The following CSMD1 variants were observed in gnomAD, a reference collection of about 807,000 sequenced individuals.
CSMD1 encodes the protein CUB and Sushi multiple domains 1, also known as CUB and sushi domain-containing protein 1.
CSMD1 carries 213 observed loss-of-function variants against 417.5 expected under a neutral mutation model. The observed-to-expected ratio is 0.51, with a 90% CI of 0.46 to 0.57. The LOEUF (loss-of-function observed/expected upper bound fraction) is 0.57, where lower values mean the gene tolerates loss of function less well. Among genes scored for constraint, CSMD1 ranks in the 20% least tolerant of loss-of-function variants. The probability of loss-of-function intolerance (pLI) is 0.00; values close to 1 mark genes in which losing one functional copy is unlikely to be tolerated. For missense variants in CSMD1, 6,923 were observed against 4,529.7 expected (o/e 1.53, Z -15.17); for synonymous variants, 2,862 against 1,736.8 (o/e 1.65, Z -16.11).
At chr8:4,751,347 C>T (rs1241096848) in intron 1 of CSMD1, among the ~76,000 whole-genome samples, 3 of 151,600 alleles carry the variant, frequency 2.0e-5, no homozygotes, top group Non-Finnish European at 2.9e-5. Context: ...GCCGAGATAG[C>T]GCCACTGCAC....
At chr8:4,305,614 G>C (rs1045548609) in intron 3 of CSMD1, among the ~76,000 whole-genome samples, 13 of 152,134 alleles carry the variant, frequency 8.5e-5, no homozygotes, top group East Asian at 1.9e-4. Context: ...CAGAATCCAC[G>C]TAAGACCGTT....
chr8:4,286,839 T>C (rs1016843630), intron 3 of CSMD1, among the ~76,000 whole-genome samples: 2 of 152,212 alleles, frequency 1.3e-5, no homozygotes, highest in Non-Finnish European at 2.9e-5. Context: ...TGTTGCTGTT[T>C]GTTATTAGGA....
chr8:3,926,067 C>CACAAACACCATACACACACACAT (rs1809661088), intron 5 of CSMD1, among the ~76,000 whole-genome samples: 2 of 135,240 alleles, frequency 1.5e-5, no homozygotes, highest in Non-Finnish European at 3.1e-5. Flanking sequence ...CACACACACA[C>CACAAACACCATACACACACACAT]ACACACAAAC....
intron 1 of CSMD1, among the ~76,000 whole-genome samples, chr8:4,954,287 G>C (rs990302549): frequency 6.6e-6 from 1 of 152,158 alleles, no homozygotes; most frequent in Admixed American, 6.5e-5. Context: ...TGTTACAACA[G>C]AGGTGCAAAT....
chr8:4,530,342 T>TTTTTTTTTTTTTTTTTTTG (rs1796742754), intron 2 of CSMD1, among the ~76,000 whole-genome samples: 1 of 116,130 alleles, frequency 8.6e-6, no homozygotes, highest in Non-Finnish European at 1.9e-5. Flanking sequence ...TTTTTTTTTT[T>TTTTTTTTTTTTTTTTTTTG]TTACTTTCAG....
intron 3 of CSMD1, among the ~76,000 whole-genome samples, chr8:4,323,364 T>A (rs1799377523): frequency 6.6e-6 from 1 of 152,134 alleles, no homozygotes; most frequent in South Asian, 2.1e-4. Flanking sequence ...TAAACTTATG[T>A]TCTTTCCTGT....
intron 12 of CSMD1, among the ~76,000 whole-genome samples, chr8:3,423,530 T>C (rs1356417180): frequency 1.3e-5 from 2 of 152,212 alleles, no homozygotes; most frequent in African/African-American, 4.8e-5. Flanking sequence ...TGTTGCTCAA[T>C]GGTCCTCCAC....
intron 3 of CSMD1, among the ~76,000 whole-genome samples, chr8:4,220,931 G>A (rs1157879095): frequency 6.6e-6 from 1 of 152,198 alleles, no homozygotes; most frequent in African/African-American, 2.4e-5. Context: ...ACATGTGTGT[G>A]CACAGTTCAC....
intron 3 of CSMD1, among the ~76,000 whole-genome samples, chr8:4,284,389 A>C: frequency 3.9e-5 from 1 of 25,420 alleles, no homozygotes; most frequent in Admixed American, 6.2e-4. Flanking sequence ...CCCTCCCCAA[A>C]AAGAGAAAGG....
At chr8:4,229,423 A>C (rs1801570613) in intron 3 of CSMD1, among the ~76,000 whole-genome samples, 1 of 152,056 alleles carries the variant, frequency 6.6e-6, no homozygotes, top group African/African-American at 2.4e-5. Context: ...TACCACAATC[A>C]CTCATTATCT....
At chr8:3,305,946 C>A (rs1804803439) in intron 25 of CSMD1, among the ~76,000 whole-genome samples, 1 of 152,128 alleles carries the variant, frequency 6.6e-6, no homozygotes, top group Admixed American at 6.5e-5. Context: ...TCCCAAGGTG[C>A]TGGGATTACA....
chr8:3,347,914 T>C (rs1808119410), intron 22 of CSMD1, 78 bp downstream of exon 22: 1 of 922,012 alleles, frequency 1.1e-6, no homozygotes, highest in Non-Finnish European at 1.6e-6. Context: ...CATATATCTA[T>C]ATGTAGAAAA....
intron 1 of CSMD1, among the ~76,000 whole-genome samples, chr8:4,870,864 C>T (rs1235674585): frequency 6.6e-6 from 1 of 152,132 alleles, no homozygotes; most frequent in Non-Finnish European, 1.5e-5. Flanking sequence ...AAGTTTGTCC[C>T]ACAGTTCCTG....
At chr8:4,832,967 C>G (rs1800241238) in intron 1 of CSMD1, among the ~76,000 whole-genome samples, 1 of 152,162 alleles carries the variant, frequency 6.6e-6, no homozygotes, top group East Asian at 1.9e-4. Flanking sequence ...AAGGAAATTC[C>G]TGGCCTGCCC....
rs182060998 is a variant in CSMD1, at chr8:3,817,389, T to C, written c.819-63347A>G. Among the ~76,000 whole-genome samples the C allele has an allele frequency of 2.2e-3, 331 of 149,626 alleles. 1 individual carries two copies. The highest frequency in any genetic ancestry group is 6.6e-3 in the African/African-American group (268 of 40,834). Reference sequence around the variant, plus strand: ...TCCTCCTACCAGGTTCAAGTTATTCTTCTGCCTCAACCTCCCAAGTAGCTG... The same window carrying C: ...TCCTCCTACCAGGTTCAAGTTATTCCTCTGCCTCAACCTCCCAAGTAGCTG... On this transcript the variant is annotated intron_variant, in intron 5 of 69. Transcript: ENST00000635120.
intron 39 of CSMD1, among the ~76,000 whole-genome samples, chr8:3,153,181 T>A (rs1819308023): frequency 6.6e-6 from 1 of 152,062 alleles, no homozygotes; most frequent in African/African-American, 2.4e-5. Context: ...CCTCTGGTTG[T>A]CCTCACTGCT....
At chr8:3,560,718 T>G (rs912243256) in intron 10 of CSMD1, among the ~76,000 whole-genome samples, 1 of 152,208 alleles carries the variant, frequency 6.6e-6, no homozygotes, top group Non-Finnish European at 1.5e-5. Flanking sequence ...TGACATAAAT[T>G]AGTGGAACCT....
chr8:3,952,255 T>C (rs1000573886), intron 5 of CSMD1, among the ~76,000 whole-genome samples: 6 of 152,158 alleles, frequency 3.9e-5, no homozygotes, highest in Admixed American at 2.0e-4. Flanking sequence ...CTCACTCTTA[T>C]TCTCCTGAGC....
At chr8:3,860,404 T>C (rs1343514610) in intron 5 of CSMD1, among the ~76,000 whole-genome samples, 1 of 152,200 alleles carries the variant, frequency 6.6e-6, no homozygotes, top group African/African-American at 2.4e-5. Context: ...CAAAATGGAC[T>C]CAATGTTTCT....
Sources: allele counts gnomAD v4.1 joint callset (sites outside exome capture counted in the v4.1 genomes callset), GRCh38; gene constraint gnomAD v4.1.1; transcripts MANE v1.5; gene names NCBI Gene and HGNC (gene_info 2026-07-23, HGNC 2026-07-21).